The following NFE2L2 variants were observed in gnomAD, a reference collection of about 807,000 sequenced individuals.
NFE2L2 encodes nuclear factor erythroid 2-related factor 2.
In NFE2L2, 20 loss-of-function variants were observed where a neutral mutation model predicts 49.6. That is an observed-to-expected ratio of 0.40 (90% confidence interval 0.28 to 0.59). The LOEUF is 0.59. Ranked by LOEUF, NFE2L2 falls within the 20% of genes least tolerant of loss-of-function variation. The probability of loss-of-function intolerance (pLI) is 0.40; values close to 1 mark genes in which losing one functional copy is unlikely to be tolerated. For missense variants in NFE2L2, 578 were observed against 714.2 expected, an observed-to-expected ratio of 0.81 and a Z score of 2.17; for synonymous variants, 244 against 256.5, an observed-to-expected ratio of 0.95 and a Z score of 0.47.
Position 177,231,887 on chromosome 2 carries a change from ACTT to A in NFE2L2, c.713_715del (p.Glu238del). 6.2e-7 allele frequency: 1 copy of A among 1,614,210 alleles called. No homozygotes were observed. Among genetic ancestry groups the A allele is most frequent in the South Asian group, 1.1e-5 (1 of 91,086 alleles). On this transcript the variant is annotated inframe_deletion, in exon 5 of 5. Coordinates refer to ENST00000397062, the MANE Select transcript of NFE2L2 (RefSeq NM_006164.5). ...AAGAAAATGTGGACTACAGTTACCT[ACTT>A]CTTTTTCCATTGAGGGTATAGATGA...
At chr2:177,234,944 C>T (rs535408525) in intron 1 of NFE2L2, among the ~76,000 whole-genome samples, 84 of 151,716 alleles carry the variant, frequency 5.5e-4, no homozygotes, top group African/African-American at 1.9e-3. Flanking sequence ...GGTGAAACCA[C>T]GTCTCTACTA....
At position 177,234,206 on chromosome 2, in the gene NFE2L2, A is replaced by C; in HGVS notation, c.111T>G (p.Phe37Leu). The C allele has an allele frequency of 6.2e-7, 1 of 1,614,086 alleles. No homozygotes were observed. Among genetic ancestry groups the C allele is most frequent in the Non-Finnish European group, 8.5e-7 (1 of 1,180,020 alleles). The change falls in exon 2 of 5, where the codon TTT becomes TTG. Residue 37 changes from phenylalanine to leucine, a missense_variant. Phe to Leu is a conservative substitution (Grantham distance 22, BLOSUM62 0). This residue lies in a region of NFE2L2 where 93 missense variants were observed against 153.9 expected (regional missense o/e 0.60). Transcript: ENST00000397062. ...ACTCTTTCCGTCGCTGACTGAAGTC[A>C]AATACTTCTCGACTTACTCCAAGAT... Reference protein sequence around the residue: ...DIDLGVSREVFDFSQRRKEYE... With the variant: ...DIDLGVSREVLDFSQRRKEYE...
intron 1 of NFE2L2, among the ~76,000 whole-genome samples, chr2:177,246,878 G>A (rs1055856943): frequency 1.7e-4 from 26 of 150,250 alleles, no homozygotes; most frequent in African/African-American, 4.9e-4. Context: ...GATTACAGGC[G>A]TGAGCCACTG....
chr2:177,263,921 C>G, intron 1 of NFE2L2: 4 of 985,608 alleles, frequency 4.1e-6, no homozygotes, highest in Non-Finnish European at 4.8e-6. Flanking sequence ...AGAGAGTGAT[C>G]CGAGAGATGG....
At chr2:177,260,731 C>G (rs931313739) in intron 1 of NFE2L2, among the ~76,000 whole-genome samples, 3 of 152,054 alleles carry the variant, frequency 2.0e-5, no homozygotes, top group Admixed American at 6.6e-5. Context: ...GCCAATGGAA[C>G]AGAAGAAATG....
intron 2 of NFE2L2, chr2:177,233,622 T>C (rs1689641074): frequency 2.0e-6 from 1 of 506,830 alleles, no homozygotes; most frequent in Admixed American, 3.8e-5. Flanking sequence ...TTAATATAGT[T>C]GTGTTAATTA....
At chr2:177,254,314 T>G (rs1690442561) in intron 1 of NFE2L2, among the ~76,000 whole-genome samples, 1 of 152,166 alleles carries the variant, frequency 6.6e-6, no homozygotes, top group Non-Finnish European at 1.5e-5. Context: ...TTATATTCGA[T>G]GACCTCTGTC....
At chr2:177,252,112 TTTG>T (rs1398019694) in intron 1 of NFE2L2, among the ~76,000 whole-genome samples, 1 of 152,080 alleles carries the variant, frequency 6.6e-6, no homozygotes, top group African/African-American at 2.4e-5. Flanking sequence ...CCCAGTTCAC[TTTG>T]TTAATTCTAG....
At chr2:177,244,791 G>A (rs1462672743) in intron 1 of NFE2L2, among the ~76,000 whole-genome samples, 1 of 152,054 alleles carries the variant, frequency 6.6e-6, no homozygotes, top group East Asian at 1.9e-4. Context: ...CGGATCACGA[G>A]GTCAGGAGAT....
At chr2:177,258,295 GA>G (rs1232868840) in intron 1 of NFE2L2, among the ~76,000 whole-genome samples, 1 of 152,220 alleles carries the variant, frequency 6.6e-6, no homozygotes, top group African/African-American at 2.4e-5. Flanking sequence ...TTTAAACCTT[GA>G]AAACATATTG....
In NFE2L2 at chr2:177,230,960, T is replaced by C. The variant is rs1336555796; in HGVS notation, c.1643A>G (p.Lys548Arg). 2.5e-6 allele frequency: 4 copies of C among 1,610,588 alleles called. No individual in the cohort carries two copies. The highest frequency in any genetic ancestry group is 2.5e-6 in the Non-Finnish European group (3 of 1,179,230). The change falls in exon 5 of 5, where the codon AAA becomes AGA. Residue 548 changes from lysine (K) to arginine (R), a missense_variant. Physicochemically the swap from Lys to Arg is conservative, Grantham distance 26 (BLOSUM62 2). Around this residue, in one of 3 missense-constraint regions of NFE2L2, gnomAD observed 117 missense variants for 175.8 expected, o/e 0.67. Transcript: ENST00000397062. ...TTGTTTTTTCAGTAGGTGAAGGCTT[T>C]TGTCATTTTCTCCTTTTTCTTTGAG... ...KLLKEKGEND[K>R]SLHLLKKQLS...
At chr2:177,241,093 A>C (rs1689922803) in intron 1 of NFE2L2, among the ~76,000 whole-genome samples, 1 of 152,240 alleles carries the variant, frequency 6.6e-6, no homozygotes, top group Non-Finnish European at 1.5e-5. Context: ...TGTTAAAAAA[A>C]ATTAATTATA....
chr2:177,232,911 C>T (rs564343609), intron 3 of NFE2L2: 4 of 470,402 alleles, frequency 8.5e-6, no homozygotes, highest in Middle Eastern at 5.4e-4. Flanking sequence ...AACAAGTCTT[C>T]GTTTATTGCC....
At chr2:177,264,141 C>G (rs1181263705) in intron 1 of NFE2L2, among the ~76,000 whole-genome samples, 1 of 152,018 alleles carries the variant, frequency 6.6e-6, no homozygotes, top group South Asian at 2.1e-4. Flanking sequence ...CGGGCCGCGC[C>G]GGCTCAGACG....
chr2:177,232,859 C>T (rs146485862), intron 3 of NFE2L2: 13 of 494,834 alleles, frequency 2.6e-5, no homozygotes, highest in South Asian at 1.6e-4. Context: ...ATATCTAGCA[C>T]AGTGGTACTA....
At chr2:177,238,364 C>T (rs1452285319) in intron 1 of NFE2L2, among the ~76,000 whole-genome samples, 1 of 152,208 alleles carries the variant, frequency 6.6e-6, no homozygotes, top group Non-Finnish European at 1.5e-5. Context: ...TTATAATTGT[C>T]AGTGTCAATC....
At chr2:177,248,534 C>T (rs1684080672) in intron 1 of NFE2L2, among the ~76,000 whole-genome samples, 1 of 152,132 alleles carries the variant, frequency 6.6e-6, no homozygotes, top group Non-Finnish European at 1.5e-5. Flanking sequence ...CTCAGCCTCC[C>T]AAGTAGCTTG....
At chr2:177,251,164 T>G (rs1690325317) in intron 1 of NFE2L2, among the ~76,000 whole-genome samples, 1 of 152,220 alleles carries the variant, frequency 6.6e-6, no homozygotes, top group African/African-American at 2.4e-5. Flanking sequence ...GTCATCTCCC[T>G]CAAGGGTCTT....
chr2:177,262,117 T>A (rs1338482140), intron 1 of NFE2L2, among the ~76,000 whole-genome samples: 2 of 152,234 alleles, frequency 1.3e-5, no homozygotes, highest in African/African-American at 4.8e-5. Flanking sequence ...ATGTGAGTTA[T>A]GCATTTATCC....
Sources: gnomAD v4.1 joint callset for allele counts (sites outside exome capture counted in the v4.1 genomes callset) on GRCh38, gnomAD v4.1.1 for gene constraint, gnomAD v4.1.1 regional missense constraint, MANE v1.5 for transcripts, NCBI Gene and HGNC (gene_info 2026-07-23, HGNC 2026-07-21) for gene names.